NOTUM: variants seen among roughly 807,000 people sequenced by gnomAD.
NOTUM encodes notum, palmitoleoyl-protein carboxylesterase, also known as palmitoleoyl-protein carboxylesterase NOTUM.
Under a neutral mutation model 65.5 loss-of-function variants are expected in NOTUM, and 36 were observed. That is an observed-to-expected ratio of 0.55 (90% CI 0.42 to 0.73). The LOEUF (loss-of-function observed/expected upper bound fraction) is 0.73, where lower values mean the gene tolerates loss of function less well. Ranked by LOEUF, NOTUM falls within the 30% of genes least tolerant of loss-of-function variation. The pLI is 0.00. For missense variants in NOTUM, 659 were observed against 694.2 expected, an observed-to-expected ratio of 0.95 and a Z score of 0.57; for synonymous variants, 356 against 297.9, an observed-to-expected ratio of 1.20 and a Z score of -2.01.
chr17:81,955,401 C>A lies in NOTUM; in HGVS notation c.1132G>T (p.Val378Leu), dbSNP rs1247396521. The change falls in exon 9 of 11, where the codon GTG becomes TTG. Residue 378 changes from valine (V) to leucine (L), a missense_variant. By Grantham distance (32) the Val-to-Leu change is conservative. Coordinates refer to ENST00000409678, the MANE Select transcript of NOTUM (RefSeq NM_178493.6). ...TCCCGGGGCCCACACACTCACGGCA[C>A]GTCCTTGAGTGTGTGGCGCAGCTCG... ...GRELRHTLKD[V>L]PASFAPACLS... 20 of 1,578,128 alleles carry A rather than the reference C, an allele frequency of 1.3e-5. No individual in the cohort carries two copies. The highest frequency in any genetic ancestry group is 1.7e-5 in the Non-Finnish European group (20 of 1,161,786).
chr17:81,956,189 C>T (rs777908512), intron 8 of NOTUM, among the ~76,000 whole-genome samples: 2 of 152,228 alleles, frequency 1.3e-5, no homozygotes, highest in Non-Finnish European at 1.5e-5. Flanking sequence ...TGGTTCTCAG[C>T]GACTCCACTT....
chr17:81,954,210 G>T (rs766627462), intron 10 of NOTUM, 46 bp downstream of exon 10: 2 of 1,418,050 alleles, frequency 1.4e-6, no homozygotes, highest in Non-Finnish European at 2.0e-6. Flanking sequence ...GTGGACTTTT[G>T]AAGTTGATGT....
intron 3 of NOTUM, 184 bp downstream of exon 3, chr17:81,959,287 C>T (rs1274286508): frequency 3.2e-6 from 2 of 618,024 alleles, no homozygotes; most frequent in Admixed American, 2.9e-5. Flanking sequence ...GGGTAAGCGC[C>T]TGAATGCTAA....
rs1406361283 is a variant in NOTUM at position 81,953,239 on chromosome 17, T to A, written c.1213A>T (p.Thr405Ser). The A allele has an allele frequency of 6.2e-7, 1 of 1,609,972 alleles. No homozygotes were observed. The highest frequency in any genetic ancestry group is 1.3e-5 in the African/African-American group (1 of 74,482). Residue 405 changes from threonine to serine, a missense_variant, in exon 11 of 11, where the codon ACG becomes TCG. Physicochemically the swap from Thr to Ser is moderately conservative, Grantham distance 58 (BLOSUM62 1). Transcript: ENST00000409678. ...CAGTGCAGTGCTCGGGGCAGCGACG[T>A]CCCCTTCACCTGGACATCCGTCCAG... ...SHWTDVQVKG[T>S]SLPRALHCWD...
rs2041471584 is a variant in NOTUM at position 81,960,902 on chromosome 17, C to T, written c.8G>A (p.Arg3Gln). Residue 3 changes from arginine (R) to glutamine (Q), a missense_variant, in exon 1 of 11, where the codon CGA becomes CAA. Physicochemically the swap from Arg to Gln is conservative, Grantham distance 43. Coordinates refer to ENST00000409678, the MANE Select transcript of NOTUM (RefSeq NM_178493.6). The surrounding 1 kb of genome is among the most constrained non-coding windows in gnomAD (Gnocchi z 6.4). The part of the protein sequence containing the change: MG[R>Q]GVRVLLLLSL... ...CAGCAGCAGCAGCACGCGCACCCCT[C>T]GGCCCATGGCCGCGTCCACCTGCGG... 1.6e-6 allele frequency: 2 copies of T among 1,254,758 alleles called. No individual in the cohort carries two copies. The highest frequency in any genetic ancestry group is 1.6e-5 in the African/African-American group (1 of 64,268). The allele number at this position is 1,254,758 out of a possible 1,614,324, so 77.7% of individuals were successfully genotyped here.
rs559140951 is a variant in NOTUM, at chr17:81,960,117, G to A, written c.324-425C>T. The stretch of plus-strand genomic sequence containing the variant: ...CGGGGGAGCCTTCCTGCCGAGCCCC[G>A]ACCCCACGCCCAAGTCTCCCGCTGT... On this transcript the variant is annotated intron_variant, in intron 1 of 10. Transcript: ENST00000409678. The surrounding 1 kb of genome is among the most constrained non-coding windows in gnomAD (Gnocchi z 6.4). 1.4e-4 allele frequency among the ~76,000 whole-genome samples: 21 copies of A among 152,060 alleles called. No individual in the cohort carries two copies. The South Asian group carries it at 4.1e-3, about 30-fold the overall frequency.
intron 6 of NOTUM, 92 bp from the exon 7 acceptor site, chr17:81,957,166 G>A (rs1392423413): frequency 9.4e-6 from 10 of 1,058,720 alleles, no homozygotes; most frequent in Admixed American, 2.3e-5. Flanking sequence ...CCCCGAGGGG[G>A]GCAGGAGTCC....
At position 81,960,053 on chromosome 17, in the gene NOTUM, C is replaced by CCGCGGGGAG. The variant is rs1171042644; in HGVS notation, c.324-370_324-362dup. 6.6e-6 allele frequency among the ~76,000 whole-genome samples: 1 copy of CCGCGGGGAG among 152,000 alleles called. No homozygotes were observed. The highest frequency in any genetic ancestry group is 1.5e-5 in the Non-Finnish European group (1 of 67,960). ...GCGCGCTTGGCGGGGGAACGGGACG[C>CCGCGGGGAG]CGCGGGGAGCGCGGGAGGCGCGGGC... On this transcript the variant is annotated intron_variant, in intron 1 of 10. Coordinates refer to ENST00000409678, the MANE Select transcript of NOTUM (RefSeq NM_178493.6). This position sits in a 1 kb window ranked among gnomAD's most constrained non-coding sequence, Gnocchi z 6.4.
chr17:81,954,593 T>G (rs1291332114), intron 9 of NOTUM, among the ~76,000 whole-genome samples: 1 of 152,210 alleles, frequency 6.6e-6, no homozygotes, highest in Non-Finnish European at 1.5e-5. Context: ...TAGAACTCTA[T>G]TTTCATTTTA....
chr17:81,954,956 TC>T (rs2041419423), intron 9 of NOTUM, among the ~76,000 whole-genome samples: 1 of 149,902 alleles, frequency 6.7e-6, no homozygotes, highest in Non-Finnish European at 1.5e-5. Context: ...TCTCTCTCTC[TC>T]TCCTCTCTCT....
intron 10 of NOTUM, among the ~76,000 whole-genome samples, chr17:81,953,491 T>G (rs1008313158): frequency 2.0e-5 from 3 of 151,418 alleles, no homozygotes; most frequent in African/African-American, 7.3e-5. Context: ...GAGATGGGGT[T>G]TCACTATGTT....
Position 81,959,579 on chromosome 17 carries a change from C to G in NOTUM, c.377-13G>C. The G allele has an allele frequency of 6.5e-7, 1 of 1,548,308 alleles. No homozygotes were observed. Among genetic ancestry groups the G allele is most frequent in the Non-Finnish European group, 8.7e-7 (1 of 1,146,138 alleles). On this transcript the variant is annotated splice_polypyrimidine_tract_variant and intron_variant, in intron 2 of 10. Transcript: ENST00000409678. Reference sequence around the variant, plus strand: ...CAGTACCAGCCGCCTGCGGACACGACCGCCGCTCAGGCCCGCGCGCACAGA... The same window carrying G: ...CAGTACCAGCCGCCTGCGGACACGAGCGCCGCTCAGGCCCGCGCGCACAGA...
At chr17:81,959,168 A>AC in intron 3 of NOTUM, 173 bp from the exon 4 acceptor site, 1 of 636,088 alleles carries the variant, frequency 1.6e-6, no homozygotes, top group Non-Finnish European at 2.8e-6. Context: ...GGGTTTAGTT[A>AC]CCCCCGGGAA....
rs1238300603 is a variant in NOTUM, at chr17:81,960,897, C to T, written c.13G>A (p.Val5Met). 6 of 1,322,210 alleles carry T rather than the reference C, an allele frequency of 4.5e-6. No individual in the cohort carries two copies. The highest frequency in any genetic ancestry group is 2.9e-4 in the Middle Eastern group (1 of 3,506). 81.9% of individuals were successfully genotyped at this position (1,322,210 alleles called of 1,614,324 possible). MGRG[V>M]RVLLLLSLLH... Reference sequence around the variant, plus strand: ...AGGCTCAGCAGCAGCAGCACGCGCACCCCTCGGCCCATGGCCGCGTCCACC... The same window carrying T: ...AGGCTCAGCAGCAGCAGCACGCGCATCCCTCGGCCCATGGCCGCGTCCACC... The change falls in exon 1 of 11, where the codon GTG (valine) becomes ATG (methionine). Residue 5 changes from valine to methionine, a missense_variant. Transcript: ENST00000409678. The surrounding 1 kb of genome is among the most constrained non-coding windows in gnomAD (Gnocchi z 6.4).
Position 81,960,956 on chromosome 17 carries a change from CGGCGGCGGG to C in NOTUM, c.-56_-48del. The stretch of plus-strand genomic sequence containing the variant: ...GCGGGCGGCCTTGAGGCGGCGGCGG[CGGCGGCGGG>C]GGATGCCGGGCCGGGGGTGCCGGGC... On this transcript the variant is annotated 5_prime_UTR_variant, in exon 1 of 11. Transcript: ENST00000409678. This position sits in a 1 kb window ranked among gnomAD's most constrained non-coding sequence, Gnocchi z 6.4. The C allele has an allele frequency of 8.9e-7, 1 of 1,121,460 alleles. No homozygotes were observed. Among genetic ancestry groups the C allele is most frequent in the Non-Finnish European group, 1.1e-6 (1 of 900,978 alleles). The allele number at this position is 1,121,460 out of a possible 1,614,324, so 69.5% of individuals were successfully genotyped here.
intron 6 of NOTUM, 24 bp downstream of exon 6, chr17:81,957,782 C>A: frequency 6.4e-7 from 1 of 1,550,864 alleles, no homozygotes. Context: ...CCCCTCACCT[C>A]CAGCCCTGCC....
chr17:81,953,671 A>G (rs1411430672), intron 10 of NOTUM, among the ~76,000 whole-genome samples: 2 of 144,966 alleles, frequency 1.4e-5, no homozygotes, highest in African/African-American at 5.2e-5. Context: ...TGGTGTGATC[A>G]CTGCTCACTG....
In NOTUM at chr17:81,956,693, C is replaced by T. The variant is rs757313108; in HGVS notation, c.945G>A (p.Glu315=). 2.0e-5 allele frequency: 32 copies of T among 1,613,064 alleles called. No homozygotes were observed. The highest frequency in any genetic ancestry group is 2.6e-5 in the Non-Finnish European group (31 of 1,179,876). The change falls in exon 8 of 11, where the codon GAG becomes GAA. Residue 315 remains glutamate, a synonymous_variant. Transcript: ENST00000409678. ...CCTTGTAGCCAAAGAAGCAGTTCCA[C>T]TCCTCGCCCTCCTGGAACTGGCGTC... ...RCRRQFQEGE[E]WNCFFGYKVY...
In NOTUM at chr17:81,960,800, G is replaced by A; in HGVS notation, c.110C>T (p.Pro37Leu). 1 of 1,547,448 alleles carries A rather than the reference G, an allele frequency of 6.5e-7. No individual in the cohort carries two copies. Among genetic ancestry groups the A allele is most frequent in the African/African-American group, 1.4e-5 (1 of 73,456 alleles). ...RRRGQQPPPP[P>L]RTEAAPAAGQ... ...GGCCGCCGGCGCCGCCTCGGTCCGC[G>A]GGGGAGGAGGCGGCTGCTGACCCCG... The change falls in exon 1 of 11, where the codon CCG becomes CTG. Residue 37 changes from proline (P) to leucine (L), a missense_variant. Physicochemically the swap from Pro to Leu is moderately conservative, Grantham distance 98 (BLOSUM62 -3). Coordinates refer to ENST00000409678, the MANE Select transcript of NOTUM (RefSeq NM_178493.6). The surrounding 1 kb of genome is among the most constrained non-coding windows in gnomAD (Gnocchi z 6.4).
Sources: gnomAD v4.1 joint callset for allele counts (sites outside exome capture counted in the v4.1 genomes callset) on GRCh38, gnomAD v4.1.1 for gene constraint, Gnocchi (gnomAD v3.1) non-coding constraint, MANE v1.5 for transcripts, NCBI Gene and HGNC (gene_info 2026-07-23, HGNC 2026-07-21) for gene names.